The following CDH2 variants were observed in gnomAD, a reference collection of about 807,000 sequenced individuals.
The protein encoded by CDH2 is cadherin-2.
Under a neutral mutation model 92.0 loss-of-function variants are expected in CDH2, and 17 were observed. That is an observed-to-expected ratio of 0.18 (90% CI 0.13 to 0.28). The LOEUF is 0.28. Ranked by LOEUF, CDH2 falls within the 10% of genes least tolerant of loss-of-function variation. The pLI is 1.00. For synonymous variants in CDH2, 419 were observed against 415.9 expected (o/e 1.01, Z -0.09); for missense variants, 862 against 1,133.1 (o/e 0.76, Z 3.44).
intron 14 of CDH2, chr18:27,963,724 T>C (rs2011468616): frequency 1.8e-6 from 1 of 554,478 alleles, no homozygotes; most frequent in Non-Finnish European, 3.2e-6. Context: ...ATTTCTACAG[T>C]CTGTGCTCCA....
At chr18:28,171,564 G>A (rs2016464680) in intron 1 of CDH2, among the ~76,000 whole-genome samples, 1 of 151,912 alleles carries the variant, frequency 6.6e-6, no homozygotes, top group African/African-American at 2.4e-5. Flanking sequence ...TTAAAATTCA[G>A]GCATATAAAA....
At chr18:27,989,810 G>A (rs1314026748) in intron 10 of CDH2, among the ~76,000 whole-genome samples, 1 of 152,154 alleles carries the variant, frequency 6.6e-6, no homozygotes, top group Non-Finnish European at 1.5e-5. Flanking sequence ...AAAGGCACAG[G>A]CTAAATAATT....
chr18:28,161,928 G>C (rs1426591944), intron 1 of CDH2, among the ~76,000 whole-genome samples: 1 of 152,128 alleles, frequency 6.6e-6, no homozygotes, highest in Non-Finnish European at 1.5e-5. Flanking sequence ...TGCAAATATT[G>C]TTAAGCTATA....
chr18:27,940,297 C>T lies in CDH2; in HGVS notation c.1152-7173G>A, dbSNP rs906341538. 4.6e-5 allele frequency among the ~76,000 whole-genome samples: 7 copies of T among 152,194 alleles called. No individual in the cohort carries two copies. In the South Asian group the frequency reaches 1.0e-3, roughly 23 times the overall value. ...ACTTTTAGGCAAATCCAGACTCGCT[C>T]TTCTCTTGGGTAATCCTGCATGGCG... On this transcript the variant is annotated intron_variant, in intron 6 of 6. Transcript: ENST00000675173.
intron 6 of CDH2, among the ~76,000 whole-genome samples, chr18:27,943,651 G>C (rs1909196804): frequency 6.6e-6 from 1 of 152,152 alleles, no homozygotes; most frequent in South Asian, 2.1e-4. Context: ...CAAGTCCACA[G>C]CCCAGTATCT....
intron 14 of CDH2, among the ~76,000 whole-genome samples, chr18:27,969,091 T>C (rs1056157603): frequency 3.3e-5 from 5 of 152,250 alleles, no homozygotes; most frequent in African/African-American, 1.2e-4. Flanking sequence ...AATATCGTTA[T>C]GACGGTAACT....
At chr18:28,140,040 T>C (rs1257961349) in intron 2 of CDH2, among the ~76,000 whole-genome samples, 1 of 151,990 alleles carries the variant, frequency 6.6e-6, no homozygotes, top group Non-Finnish European at 1.5e-5. Context: ...TAGTCATCCC[T>C]GAACCCTTCC....
chr18:28,101,771 C>T (rs1167259484), intron 2 of CDH2, among the ~76,000 whole-genome samples: 3 of 152,090 alleles, frequency 2.0e-5, no homozygotes, highest in African/African-American at 7.2e-5. Context: ...AGAATCTACC[C>T]TAAGCATGAA....
intron 2 of CDH2, among the ~76,000 whole-genome samples, chr18:28,114,143 C>T (rs1218471988): frequency 6.6e-6 from 1 of 152,062 alleles, no homozygotes; most frequent in Non-Finnish European, 1.5e-5. Context: ...TTCTATAGCA[C>T]TGTAGGATGA....
intron 2 of CDH2, among the ~76,000 whole-genome samples, chr18:28,017,774 A>T (rs947017647): frequency 1.3e-5 from 2 of 152,122 alleles, no homozygotes; most frequent in African/African-American, 2.4e-5. Flanking sequence ...TTAAGGTAAT[A>T]AAAGCCATCT....
At chr18:27,974,639 C>A (rs530865389) in intron 14 of CDH2, among the ~76,000 whole-genome samples, 16 of 152,246 alleles carry the variant, frequency 1.1e-4, no homozygotes, top group Middle Eastern at 3.4e-3. Context: ...CATGCTGAAC[C>A]TGAATTCCCA....
At chr18:28,040,155 C>G (rs1055237523) in intron 2 of CDH2, among the ~76,000 whole-genome samples, 2 of 152,120 alleles carry the variant, frequency 1.3e-5, no homozygotes, top group African/African-American at 2.4e-5. Context: ...GGCCTCAGAG[C>G]GAATCCAAAC....
At chr18:28,125,955 A>C (rs1022984524) in intron 2 of CDH2, among the ~76,000 whole-genome samples, 4 of 152,200 alleles carry the variant, frequency 2.6e-5, no homozygotes, top group African/African-American at 9.6e-5. Flanking sequence ...GAAATATGAA[A>C]GCTTACCTCA....
intron 1 of CDH2, among the ~76,000 whole-genome samples, chr18:28,154,795 T>G (rs983098213): frequency 6.6e-6 from 1 of 152,184 alleles, no homozygotes; most frequent in Non-Finnish European, 1.5e-5. Flanking sequence ...AGTTGCCTTG[T>G]CTCCTCACTC....
At chr18:28,103,498 C>T (rs201285090) in intron 2 of CDH2, among the ~76,000 whole-genome samples, 18 of 125,214 alleles carry the variant, frequency 1.4e-4, no homozygotes, top group Non-Finnish European at 2.3e-4. Context: ...CACACACACA[C>T]ATATATACAC....
chr18:28,031,127 A>T (rs948518881), intron 2 of CDH2, among the ~76,000 whole-genome samples: 2 of 151,382 alleles, frequency 1.3e-5, no homozygotes, highest in South Asian at 2.1e-4. Flanking sequence ...TCCACTTGGA[A>T]ATCTAATAAG....
chr18:28,115,283 A>C (rs1469519904), intron 2 of CDH2, among the ~76,000 whole-genome samples: 1 of 152,150 alleles, frequency 6.6e-6, no homozygotes, highest in African/African-American at 2.4e-5. Flanking sequence ...AACTACTTCC[A>C]CAAAAAATGC....
chr18:28,010,931 CCCTG>C (rs1057437383), intron 4 of CDH2, among the ~76,000 whole-genome samples: 1 of 148,614 alleles, frequency 6.7e-6, no homozygotes, highest in African/African-American at 2.5e-5. Flanking sequence ...ATTACAGGTG[CCCTG>C]CCTGTTTTTT....
In CDH2 at chr18:28,016,184, A is replaced by G. The variant is rs2013241147; in HGVS notation, c.173-2275T>C. ...ACACTGATACTTTATGTTTATAATA[A>G]TAATAGTTATAATGATGGTTATTAA... On this transcript the variant is annotated intron_variant, in intron 2 of 15. Coordinates refer to ENST00000269141, the MANE Select transcript of CDH2 (RefSeq NM_001792.5). 2.0e-5 allele frequency among the ~76,000 whole-genome samples: 3 copies of G among 152,330 alleles called. No homozygotes were observed. In the South Asian group the frequency reaches 6.2e-4, roughly 32 times the overall value.
Sources: allele counts gnomAD v4.1 joint callset (sites outside exome capture counted in the v4.1 genomes callset), GRCh38; gene constraint gnomAD v4.1.1; transcripts MANE v1.5; gene names NCBI Gene and HGNC (gene_info 2026-07-23, HGNC 2026-07-21).